The following MBNL2 variants were observed in gnomAD, a reference collection of about 807,000 sequenced individuals.
MBNL2 encodes muscleblind-like protein 2.
A neutral mutation model predicts 41.9 loss-of-function variants in MBNL2; 17 were observed. That is an observed-to-expected ratio of 0.41 (90% CI 0.28 to 0.61). The LOEUF (loss-of-function observed/expected upper bound fraction) is 0.61. Among genes scored for constraint, MBNL2 ranks in the 20% least tolerant of loss-of-function variants. MBNL2 has a pLI of 0.35. For missense variants in MBNL2, 336 were observed against 505.6 expected (o/e 0.66, Z 3.22); for synonymous variants, 195 against 182.9 (o/e 1.07, Z -0.53).
chr13:97,262,375 C>T (rs182238997), intron 1 of MBNL2, among the ~76,000 whole-genome samples: 32 of 152,310 alleles, frequency 2.1e-4, no homozygotes, highest in Non-Finnish European at 3.8e-4. Flanking sequence ...TGGCAGTGGA[C>T]GCTTTTCGCT....
At chr13:97,267,483 A>C (rs112930666) in intron 1 of MBNL2, among the ~76,000 whole-genome samples, 1 of 152,120 alleles carries the variant, frequency 6.6e-6, no homozygotes. Context: ...CCTTTTCTTT[A>C]AAGATGAGTC....
chr13:97,339,699 T>C (rs2061266145), intron 3 of MBNL2, among the ~76,000 whole-genome samples: 1 of 151,136 alleles, frequency 6.6e-6, no homozygotes, highest in African/African-American at 2.4e-5. Flanking sequence ...ACCTCGGGAG[T>C]TTAATTTGAA....
chr13:97,181,491 A>G, the MBNL2 span, among the ~76,000 whole-genome samples: 1 of 152,206 alleles, frequency 6.6e-6, no homozygotes, highest in Non-Finnish European at 1.5e-5. Context: ...AGCCAGGGGA[A>G]ATGATGAAAT....
intron 1 of MBNL2, among the ~76,000 whole-genome samples, chr13:97,225,170 A>G (rs186196482): frequency 7.4e-4 from 113 of 152,330 alleles, no homozygotes; most frequent in Middle Eastern, 3.4e-3. Flanking sequence ...TCCCGCGCTC[A>G]GGGAGTGCCA....
intron 1 of MBNL2, among the ~76,000 whole-genome samples, chr13:97,235,071 G>T (rs2043020774): frequency 6.6e-6 from 1 of 152,224 alleles, no homozygotes; most frequent in South Asian, 2.1e-4. Flanking sequence ...CAAAGGAAGG[G>T]TGAGGAGGGG....
the MBNL2 span, among the ~76,000 whole-genome samples, chr13:97,196,281 C>T: frequency 6.6e-6 from 1 of 152,170 alleles, no homozygotes; most frequent in Non-Finnish European, 1.5e-5. Context: ...ATTAAGATTG[C>T]ACTACATTTG....
chr13:97,371,065 G>T (rs1005916138), intron 8 of MBNL2, among the ~76,000 whole-genome samples: 4 of 152,116 alleles, frequency 2.6e-5, no homozygotes, highest in Non-Finnish European at 4.4e-5. Flanking sequence ...TTTTTCATAT[G>T]AAAATAAATT....
intron 2 of MBNL2, among the ~76,000 whole-genome samples, chr13:97,326,369 G>A (rs1215659523): frequency 1.3e-5 from 2 of 152,152 alleles, no homozygotes; most frequent in African/African-American, 4.8e-5. Flanking sequence ...TATAATGGAA[G>A]CAACAGAGAA....
chr13:97,370,045 A>T (rs1263386997), intron 8 of MBNL2, among the ~76,000 whole-genome samples: 1 of 152,186 alleles, frequency 6.6e-6, no homozygotes, highest in African/African-American at 2.4e-5. Context: ...ACATATCATC[A>T]TATATTCTAT....
At chr13:97,253,325 C>A (rs1232413697) in intron 1 of MBNL2, among the ~76,000 whole-genome samples, 3 of 152,140 alleles carry the variant, frequency 2.0e-5, no homozygotes, top group Admixed American at 2.0e-4. Context: ...AGTATAGTCC[C>A]AACCCTACAG....
At chr13:97,200,429 T>C in the MBNL2 span, among the ~76,000 whole-genome samples, 2 of 152,144 alleles carry the variant, frequency 1.3e-5, no homozygotes, top group African/African-American at 2.4e-5. Flanking sequence ...CCCAGAACCA[T>C]ACAAGGAAAG....
chr13:97,365,470 G>C (rs1230766121), intron 8 of MBNL2, among the ~76,000 whole-genome samples: 7 of 152,128 alleles, frequency 4.6e-5, no homozygotes. Context: ...ATAGCGTAAG[G>C]AACAGAGCTT....
intron 1 of MBNL2, among the ~76,000 whole-genome samples, chr13:97,223,779 CATTT>C (rs3839997): frequency 0.11 from 16,653 of 152,174 alleles, 949 homozygotes; most frequent in South Asian, 0.17. Context: ...TAGAACTACT[CATTT>C]AAATAAGGGC....
intron 2 of MBNL2, among the ~76,000 whole-genome samples, chr13:97,316,854 T>C (rs532769445): frequency 5.9e-5 from 9 of 152,354 alleles, no homozygotes; most frequent in African/African-American, 2.2e-4. Context: ...ATTGTCTGTC[T>C]CCCCTAACTA....
At chr13:97,235,214 C>A (rs2043052002) in intron 1 of MBNL2, among the ~76,000 whole-genome samples, 1 of 151,438 alleles carries the variant, frequency 6.6e-6, no homozygotes, top group Admixed American at 6.6e-5. Context: ...CAAACTCTGT[C>A]TTTTTTTTTC....
At chr13:97,316,619 G>A (rs562627906) in intron 2 of MBNL2, among the ~76,000 whole-genome samples, 1 of 152,282 alleles carries the variant, frequency 6.6e-6, no homozygotes, top group African/African-American at 2.4e-5. Context: ...AGTGCTGGCT[G>A]TTCTCTCTGC....
At chr13:97,170,017 C>T in the MBNL2 span, among the ~76,000 whole-genome samples, 2 of 152,224 alleles carry the variant, frequency 1.3e-5, no homozygotes, top group Non-Finnish European at 2.9e-5. Flanking sequence ...TTCATCCAAA[C>T]AACCATCACC....
chr13:97,265,003 T>C (rs1387171482), intron 1 of MBNL2, among the ~76,000 whole-genome samples: 2 of 152,266 alleles, frequency 1.3e-5, no homozygotes, highest in Non-Finnish European at 2.9e-5. Flanking sequence ...GAGCATCTCC[T>C]AACTGAATTA....
chr13:97,181,923 C>G, the MBNL2 span, among the ~76,000 whole-genome samples: 2 of 152,174 alleles, frequency 1.3e-5, no homozygotes, highest in African/African-American at 4.8e-5. Flanking sequence ...AGAAAGTTGT[C>G]CTTCCATCAA....
Sources: gnomAD v4.1 joint callset for allele counts (sites outside exome capture counted in the v4.1 genomes callset) on GRCh38, gnomAD v4.1.1 for gene constraint, MANE v1.5 for transcripts, NCBI Gene and HGNC (gene_info 2026-07-23, HGNC 2026-07-21) for gene names.